Variants in CDH4 observed in about 807,000 individuals in gnomAD.
CDH4 encodes the protein cadherin-4.
Under a neutral mutation model 86.0 loss-of-function variants are expected in CDH4, and 33 were observed. The ratio of observed to expected loss-of-function variants is 0.38; its 90% CI spans 0.29 to 0.51. CDH4 has a LOEUF of 0.51. CDH4 is among the 20% of genes least tolerant of loss of function. The probability of loss-of-function intolerance (pLI) is 0.86; values close to 1 mark genes in which losing one functional copy is unlikely to be tolerated. For synonymous variants in CDH4, 555 were observed against 549.4 expected (o/e 1.01, Z -0.14); for missense variants, 1,114 against 1,307.4 (o/e 0.85, Z 2.28).
At chr20:61,863,479 G>C (rs745848020) in intron 6 of CDH4, among the ~76,000 whole-genome samples, 3 of 152,216 alleles carry the variant, frequency 2.0e-5, no homozygotes, top group Non-Finnish European at 4.4e-5. Flanking sequence ...GCCACTGGGT[G>C]ACCGTTCCTC....
At chr20:61,314,058 G>A (rs1309584223) in intron 2 of CDH4, among the ~76,000 whole-genome samples, 1 of 152,214 alleles carries the variant, frequency 6.6e-6, no homozygotes, top group Non-Finnish European at 1.5e-5. Context: ...TTTTATATAC[G>A]TATGATTCTC....
At chr20:61,280,158 C>T (rs533526882) in intron 2 of CDH4, among the ~76,000 whole-genome samples, 7 of 152,206 alleles carry the variant, frequency 4.6e-5, no homozygotes, top group Admixed American at 4.6e-4. Flanking sequence ...TGGGGTGACC[C>T]TGGGCTGTGT....
At chr20:61,720,832 C>T (rs1364773939) in intron 2 of CDH4, among the ~76,000 whole-genome samples, 1 of 152,148 alleles carries the variant, frequency 6.6e-6, no homozygotes, top group Admixed American at 6.5e-5. Flanking sequence ...GTCTCAAACA[C>T]CCTGCCAGGT....
At chr20:61,780,622 G>A (rs888022233) in intron 4 of CDH4, among the ~76,000 whole-genome samples, 2 of 152,230 alleles carry the variant, frequency 1.3e-5, no homozygotes, top group Admixed American at 6.5e-5. Flanking sequence ...AGGTCTTTTA[G>A]TAATGGTGGT....
intron 2 of CDH4, among the ~76,000 whole-genome samples, chr20:61,266,718 A>G (rs2084159961): frequency 6.6e-6 from 1 of 151,914 alleles, no homozygotes; most frequent in African/African-American, 2.4e-5. Context: ...AAGATGTCCA[A>G]CTGTGGTCCA....
intron 2 of CDH4, among the ~76,000 whole-genome samples, chr20:61,368,834 T>C (rs1468166308): frequency 6.6e-6 from 1 of 152,114 alleles, no homozygotes; most frequent in African/African-American, 2.4e-5. Context: ...TATTTTGTTG[T>C]AGCAACCCAA....
intron 4 of CDH4, among the ~76,000 whole-genome samples, chr20:61,773,918 A>AAGGCT (rs2088808948): frequency 6.6e-6 from 1 of 152,216 alleles, no homozygotes; most frequent in African/African-American, 2.4e-5. Flanking sequence ...TTCAATGCAG[A>AAGGCT]AGGCTGGGCT....
chr20:61,483,590 T>G (rs962471238), intron 2 of CDH4, among the ~76,000 whole-genome samples: 5 of 152,170 alleles, frequency 3.3e-5, no homozygotes, highest in Non-Finnish European at 7.4e-5. Context: ...GCGCCCTTGC[T>G]TCGGGGTGGC....
chr20:61,272,461 C>T (rs1174441686), intron 2 of CDH4, among the ~76,000 whole-genome samples: 2 of 152,214 alleles, frequency 1.3e-5, no homozygotes, highest in African/African-American at 4.8e-5. Flanking sequence ...GTGCAGTTAT[C>T]TAGGAATTGT....
chr20:61,397,676 G>T (rs1442056825), intron 2 of CDH4, among the ~76,000 whole-genome samples: 3 of 142,484 alleles, frequency 2.1e-5, no homozygotes, highest in Non-Finnish European at 4.7e-5. Context: ...TGTTTAAACT[G>T]CACTATAGTT....
At chr20:61,598,564 C>A (rs938134010) in intron 2 of CDH4, among the ~76,000 whole-genome samples, 4 of 152,188 alleles carry the variant, frequency 2.6e-5, no homozygotes, top group Non-Finnish European at 5.9e-5. Context: ...GCGGTGCCGG[C>A]AGTAAGGTGT....
At chr20:61,834,093 G>A (rs946425965) in intron 4 of CDH4, among the ~76,000 whole-genome samples, 3 of 152,190 alleles carry the variant, frequency 2.0e-5, no homozygotes, top group Admixed American at 6.5e-5. Flanking sequence ...AGGTGGGATG[G>A]TTCCCCCACA....
chr20:61,408,134 G>T (rs1329309545), intron 2 of CDH4, among the ~76,000 whole-genome samples: 2 of 152,078 alleles, frequency 1.3e-5, no homozygotes, highest in East Asian at 3.9e-4. Flanking sequence ...CTCTCACTAG[G>T]ACTGTCCCCT....
intron 4 of CDH4, among the ~76,000 whole-genome samples, chr20:61,830,947 C>T (rs983073364): frequency 1.3e-5 from 2 of 152,132 alleles, no homozygotes; most frequent in Non-Finnish European, 1.5e-5. Flanking sequence ...AAATGTCAGT[C>T]GGGAGGGCTC....
intron 2 of CDH4, among the ~76,000 whole-genome samples, chr20:61,352,832 G>C (rs182486191): frequency 6.6e-6 from 1 of 152,030 alleles, no homozygotes; most frequent in Non-Finnish European, 1.5e-5. Flanking sequence ...TTCTTCATCC[G>C]GCAGTGCAGC....
At chr20:61,812,019 G>T (rs1236829916) in intron 4 of CDH4, among the ~76,000 whole-genome samples, 2 of 152,098 alleles carry the variant, frequency 1.3e-5, no homozygotes, top group African/African-American at 2.4e-5. Flanking sequence ...TTGAGGCCCT[G>T]TGTGGTTTTC....
chr20:61,300,654 C>G (rs193084010), intron 2 of CDH4, among the ~76,000 whole-genome samples: 40 of 152,324 alleles, frequency 2.6e-4, no homozygotes, highest in Admixed American at 1.0e-3. Context: ...CTGCCCTGTT[C>G]TGCCCACACA....
Position 61,910,530 on chromosome 20 carries a change from A to C in CDH4, c.1297A>C (p.Ile433Leu). The change falls in exon 9 of 16, where the codon ATC (isoleucine) becomes CTC (leucine). Residue 433 changes from isoleucine (I) to leucine (L), a missense_variant. By Grantham distance (5) the Ile-to-Leu change is conservative. This residue lies in a region of CDH4 where 705 missense variants were observed against 914.1 expected (regional missense o/e 0.77). Transcript: ENST00000614565. ...AAACTGGAATGCCGTTTACCGCATC[A>C]TCAGTGGGGATCCATCCGGGCACTT... is the stretch of plus-strand genomic sequence containing the variant. The part of the protein sequence containing the change: ...SPNWNAVYRI[I>L]SGDPSGHFSV... The C allele has an allele frequency of 6.2e-7, 1 of 1,613,976 alleles. No homozygotes were observed. The highest frequency in any genetic ancestry group is 1.1e-5 in the South Asian group (1 of 91,080).
chr20:61,854,808 A>G (rs1982918249), intron 6 of CDH4, among the ~76,000 whole-genome samples: 1 of 147,884 alleles, frequency 6.8e-6, no homozygotes, highest in Admixed American at 6.7e-5. Context: ...CAGTGTGAAC[A>G]GGGTGAATTG....
Sources: allele counts gnomAD v4.1 joint callset (sites outside exome capture counted in the v4.1 genomes callset), GRCh38; gene constraint gnomAD v4.1.1; regional missense constraint gnomAD v4.1.1; transcripts MANE v1.5; gene names NCBI Gene and HGNC (gene_info 2026-07-23, HGNC 2026-07-21).